Variants in ASB15 observed in about 807,000 individuals in gnomAD.
ASB15 encodes the protein ankyrin repeat and SOCS box containing 15, also known as ankyrin repeat and SOCS box protein 15.
In ASB15, 54 loss-of-function variants were observed where a neutral mutation model predicts 58.0. The observed-to-expected ratio is 0.93, with a 90% CI of 0.75 to 1.17. The LOEUF is 1.17. Ranked by LOEUF, ASB15 falls within the 50% of genes most tolerant of loss-of-function variation. The probability of loss-of-function intolerance (pLI) is 0.00; values close to 1 mark genes in which losing one functional copy is unlikely to be tolerated. For synonymous variants in ASB15, 249 were observed against 262.4 expected (o/e 0.95, Z 0.50); for missense variants, 680 against 707.4 (o/e 0.96, Z 0.44).
At chr7:123,575,813 T>G (rs1490289478) in intron 1 of ASB15, among the ~76,000 whole-genome samples, 1 of 124,278 alleles carries the variant, frequency 8.0e-6, no homozygotes, top group Non-Finnish European at 1.7e-5. Flanking sequence ...AGCATGAAGT[T>G]TTCTTTTTTT....
upstream of ASB15, among the ~76,000 whole-genome samples, chr7:123,597,250 G>C (rs1799724261): frequency 6.6e-6 from 1 of 152,100 alleles, no homozygotes; most frequent in South Asian, 2.1e-4. Context: ...TATGTCACCA[G>C]CCTATCTGAA....
intron 11 of ASB15, among the ~76,000 whole-genome samples, chr7:123,634,020 GT>G (rs1255522238): frequency 6.6e-6 from 1 of 152,024 alleles, no homozygotes; most frequent in Non-Finnish European, 1.5e-5. Flanking sequence ...CGATTGGTGG[GT>G]TTTTTTCTGT....
chr7:123,611,207 G>A (rs1251315952), intron 3 of ASB15, among the ~76,000 whole-genome samples: 1 of 152,050 alleles, frequency 6.6e-6, no homozygotes, highest in African/African-American at 2.4e-5. Context: ...CTTCTGAGTA[G>A]TGCTTTATAG....
intron 8 of ASB15, 123 bp from the exon 9 acceptor site, chr7:123,626,987 C>T (rs1801831107): frequency 2.0e-6 from 2 of 995,144 alleles, no homozygotes; most frequent in Admixed American, 2.3e-5. Context: ...CCGCCCGCCT[C>T]AGCCTCCAGT....
chr7:123,620,841 C>T (rs1044319934), intron 7 of ASB15, among the ~76,000 whole-genome samples: 1 of 151,502 alleles, frequency 6.6e-6, no homozygotes, highest in African/African-American at 2.4e-5. Flanking sequence ...GGATTACAGG[C>T]GTGAGCCACT....
intron 1 of ASB15, among the ~76,000 whole-genome samples, chr7:123,568,299 G>C (rs1798813252): frequency 6.6e-6 from 1 of 152,036 alleles, no homozygotes; most frequent in South Asian, 2.1e-4. Flanking sequence ...GATCGCCTGA[G>C]GTTGGGAGTT....
At chr7:123,567,489 G>A (rs1223191088) in intron 1 of ASB15, among the ~76,000 whole-genome samples, 1 of 152,110 alleles carries the variant, frequency 6.6e-6, no homozygotes, top group Non-Finnish European at 1.5e-5. Flanking sequence ...ATTAAGTGTT[G>A]GAAGAGTTAG....
At chr7:123,602,391 C>T (rs1584755302) in intron 1 of ASB15, among the ~76,000 whole-genome samples, 2 of 151,870 alleles carry the variant, frequency 1.3e-5, no homozygotes, top group South Asian at 2.1e-4. Flanking sequence ...AAAAATAAAC[C>T]GAATAGAATT....
chr7:123,637,094 GT>G lies in ASB15; in HGVS notation c.*117del. 1.4e-6 allele frequency: 1 copy of G among 725,944 alleles called. No individual in the cohort carries two copies. Among genetic ancestry groups the G allele is most frequent in the Non-Finnish European group, 2.2e-6 (1 of 454,672 alleles). The allele number at this position is 725,944 out of a possible 1,614,324, so 45.0% of individuals were successfully genotyped here. A position where few individuals can be genotyped will look rare whatever the true frequency, so the allele number is the denominator to read the frequency against. ...TAAAGTGTATTTAAATTCATTGACA[GT>G]TTTATAGGTTATCATGTGTTCTTAT... On this transcript the variant is annotated 3_prime_UTR_variant, in exon 12 of 12. Transcript: ENST00000451215.
intron 1 of ASB15, among the ~76,000 whole-genome samples, chr7:123,593,262 C>T (rs1278300590): frequency 6.6e-6 from 1 of 152,008 alleles, no homozygotes; most frequent in African/African-American, 2.4e-5. Context: ...GGGCATTTAG[C>T]CTGTTTACAT....
At chr7:123,619,705 A>ACC (rs1554394446) in intron 7 of ASB15, among the ~76,000 whole-genome samples, 11 of 152,010 alleles carry the variant, frequency 7.2e-5, no homozygotes, top group Admixed American at 1.3e-4. Context: ...TTGTATTTTT[A>ACC]GTAGAGATGG....
intron 1 of ASB15, among the ~76,000 whole-genome samples, chr7:123,567,829 C>A (rs374470766): frequency 7.9e-5 from 12 of 151,576 alleles, no homozygotes; most frequent in African/African-American, 2.9e-4. Context: ...AAAAAAAAAA[C>A]AAACATTCTG....
At chr7:123,593,865 G>C (rs1799618604) in intron 1 of ASB15, among the ~76,000 whole-genome samples, 1 of 152,172 alleles carries the variant, frequency 6.6e-6, no homozygotes, top group South Asian at 2.1e-4. Flanking sequence ...ATAATAGCCT[G>C]AAGAGTGTTT....
At chr7:123,591,432 G>T (rs1799533669) in intron 1 of ASB15, among the ~76,000 whole-genome samples, 1 of 152,118 alleles carries the variant, frequency 6.6e-6, no homozygotes, top group Admixed American at 6.6e-5. Flanking sequence ...TATTGGCTGT[G>T]GGTTTGTCAT....
At chr7:123,617,803 A>G (rs1800925899) in intron 7 of ASB15, 66 bp downstream of exon 7, 2 of 1,443,136 alleles carry the variant, frequency 1.4e-6, no homozygotes, top group Non-Finnish European at 9.5e-7. Context: ...ATTGGAAACC[A>G]CTGTATAATG....
At chr7:123,567,319 T>C (rs1798788220) in intron 1 of ASB15, among the ~76,000 whole-genome samples, 1 of 152,186 alleles carries the variant, frequency 6.6e-6, no homozygotes, top group African/African-American at 2.4e-5. Flanking sequence ...TAAATGTTCT[T>C]ATCCTCTTCA....
chr7:123,623,100 G>C (rs1801442800), intron 7 of ASB15: 1 of 152,222 alleles, frequency 6.6e-6, no homozygotes, highest in Non-Finnish European at 1.5e-5. Context: ...ATAGAAGGCA[G>C]CATAGGCTTC....
intron 8 of ASB15, chr7:123,625,083 C>CA (rs1461525918): frequency 7.8e-6 from 3 of 384,956 alleles, no homozygotes; most frequent in Non-Finnish European, 1.4e-5. Context: ...ATAGATGGCC[C>CA]ATCAGGGCCT....
At chr7:123,630,433 T>C (rs1802060741) in intron 11 of ASB15, among the ~76,000 whole-genome samples, 2 of 152,228 alleles carry the variant, frequency 1.3e-5, no homozygotes, top group African/African-American at 2.4e-5. Flanking sequence ...GGTAGAGATC[T>C]ACTTTGTTTC....
Sources: gnomAD v4.1 joint callset for allele counts (sites outside exome capture counted in the v4.1 genomes callset) on GRCh38, gnomAD v4.1.1 for gene constraint, MANE v1.5 for transcripts, NCBI Gene and HGNC (gene_info 2026-07-23, HGNC 2026-07-21) for gene names.